The following DNAH3 variants were observed in gnomAD, a reference collection of about 807,000 sequenced individuals.
The protein encoded by DNAH3 is axonemal beta dynein heavy chain 3.
In DNAH3, 332 loss-of-function variants were observed where a neutral mutation model predicts 432.5. That is an observed-to-expected ratio of 0.77 (90% CI 0.70 to 0.84). The LOEUF (loss-of-function observed/expected upper bound fraction) is 0.84, where lower values mean the gene tolerates loss of function less well. Among genes scored for constraint, DNAH3 ranks in the 40% least tolerant of loss-of-function variants. The probability of loss-of-function intolerance (pLI) is 0.00; values close to 1 mark genes in which losing one functional copy is unlikely to be tolerated. For missense variants in DNAH3, 4,861 were observed against 5,114.0 expected, an observed-to-expected ratio of 0.95 and a Z score of 1.51; for synonymous variants, 1,956 against 1,900.2, an observed-to-expected ratio of 1.03 and a Z score of -0.76.
chr16:20,971,262 T>G (rs1399115257), intron 51 of DNAH3, among the ~76,000 whole-genome samples: 4 of 152,112 alleles, frequency 2.6e-5, no homozygotes, highest in Admixed American at 2.6e-4. Context: ...ACACTAAAAT[T>G]TATGTTTCTT....
chr16:21,062,564 T>A, exon 25 of DNAH3: 2 of 1,614,184 alleles, frequency 1.2e-6, no homozygotes, highest in Non-Finnish European at 1.7e-6. Context: ...TTCCAGATTG[T>A]CTGTAAACTC....
At chr16:21,121,014 G>A (rs2092327746) in intron 10 of DNAH3, 1 of 708,584 alleles carries the variant, frequency 1.4e-6, no homozygotes, top group Non-Finnish European at 2.6e-6. Flanking sequence ...GCAAAGAGAA[G>A]AATGCTTGGG....
intron 11 of DNAH3, among the ~76,000 whole-genome samples, chr16:21,118,988 A>G (rs369783833): frequency 6.6e-6 from 1 of 152,272 alleles, no homozygotes; most frequent in South Asian, 2.1e-4. Context: ...ATGGAAATGC[A>G]TCAATTTAGA....
chr16:21,105,755 C>A (rs1266234766), intron 15 of DNAH3, among the ~76,000 whole-genome samples: 1 of 152,036 alleles, frequency 6.6e-6, no homozygotes, highest in Non-Finnish European at 1.5e-5. Flanking sequence ...CAGAGCAAGA[C>A]TCTGTCTCGA....
intron 44 of DNAH3, among the ~76,000 whole-genome samples, chr16:20,992,385 A>T (rs554880143): frequency 6.6e-6 from 1 of 152,062 alleles, no homozygotes; most frequent in Admixed American, 6.6e-5. Flanking sequence ...TTGCTCTGTC[A>T]CCCAGGCTGT....
At chr16:20,955,924 T>C (rs1475982876) in intron 54 of DNAH3, among the ~76,000 whole-genome samples, 2 of 151,632 alleles carry the variant, frequency 1.3e-5, no homozygotes, top group Non-Finnish European at 2.9e-5. Context: ...TTTATCTTAT[T>C]TTATTTTTAT....
exon 17 of DNAH3, chr16:21,098,640 T>C: frequency 6.2e-7 from 1 of 1,613,300 alleles, no homozygotes; most frequent in Non-Finnish European, 8.5e-7. Flanking sequence ...ACGCCCGATT[T>C]AGGTTCTTTG....
chr16:21,036,557 G>A (rs536465633), intron 35 of DNAH3, among the ~76,000 whole-genome samples, 157 bp downstream of exon 35: 2 of 152,286 alleles, frequency 1.3e-5, no homozygotes, highest in African/African-American at 4.8e-5. Flanking sequence ...TGGGACTACA[G>A]GCATAGGCCA....
At chr16:21,037,183 C>T (rs1597206781) in intron 34 of DNAH3, among the ~76,000 whole-genome samples, 1 of 152,260 alleles carries the variant, frequency 6.6e-6, no homozygotes, top group South Asian at 2.1e-4. Context: ...GTGGCTCATG[C>T]CTGTAATCCC....
At chr16:21,062,837 C>G in intron 24 of DNAH3, 154 bp from the exon 25 acceptor site, 2 of 627,066 alleles carry the variant, frequency 3.2e-6, no homozygotes, top group Middle Eastern at 4.0e-4. Context: ...CACTTTTCAT[C>G]TGGGGCATGG....
intron 34 of DNAH3, 132 bp downstream of exon 34, chr16:21,037,629 G>A: frequency 1.5e-6 from 1 of 677,796 alleles, no homozygotes; most frequent in Non-Finnish European, 2.6e-6. Context: ...TTTGCAGGGA[G>A]GGTATCAGGT....
intron 54 of DNAH3, among the ~76,000 whole-genome samples, chr16:20,958,692 G>A (rs1017658908): frequency 3.9e-5 from 6 of 152,092 alleles, no homozygotes; most frequent in Non-Finnish European, 8.8e-5. Flanking sequence ...CATGGTTCTT[G>A]TTCAAATAGT....
At chr16:21,115,442 C>T (rs1426994401) in intron 12 of DNAH3, among the ~76,000 whole-genome samples, 1 of 150,828 alleles carries the variant, frequency 6.6e-6, no homozygotes, top group Non-Finnish European at 1.5e-5. Flanking sequence ...CAAGGTGGCT[C>T]ACACCTGTAA....
intron 49 of DNAH3, among the ~76,000 whole-genome samples, 178 bp from the exon 50 acceptor site, chr16:20,979,724 C>T (rs574501666): frequency 6.6e-6 from 1 of 152,160 alleles, no homozygotes; most frequent in Middle Eastern, 3.4e-3. Context: ...GGGGCAGGTA[C>T]ATAGGTGCAT....
intron 25 of DNAH3, among the ~76,000 whole-genome samples, 184 bp from the exon 26 acceptor site, chr16:21,060,540 T>G (rs2090317169): frequency 6.8e-6 from 1 of 146,400 alleles, no homozygotes; most frequent in African/African-American, 2.5e-5. Context: ...TTTTTTTTTT[T>G]TTTGATACAG....
chr16:21,041,691 T>C (rs1346866943), intron 32 of DNAH3, among the ~76,000 whole-genome samples: 2 of 152,118 alleles, frequency 1.3e-5, no homozygotes, highest in African/African-American at 4.8e-5. Context: ...TTTTTTGAGA[T>C]GGAGTTTCAC....
At chr16:20,997,808 G>A (rs1002642067) in intron 43 of DNAH3, among the ~76,000 whole-genome samples, 1 of 145,908 alleles carries the variant, frequency 6.9e-6, no homozygotes, top group Non-Finnish European at 1.5e-5. Flanking sequence ...AGACCAGCCT[G>A]TGCAACATGG....
exon 43 of DNAH3, chr16:21,000,390 G>A (rs377203350): frequency 1.6e-5 from 26 of 1,614,056 alleles, no homozygotes; most frequent in Non-Finnish European, 2.0e-5. Context: ...GAAGGAAGTT[G>A]TTGGTGATGG....
chr16:21,056,620 A>G, intron 27 of DNAH3, among the ~76,000 whole-genome samples: 1 of 152,228 alleles, frequency 6.6e-6, no homozygotes, highest in East Asian at 1.9e-4. Flanking sequence ...TGCCAAATCA[A>G]TATTTGTTAA....
Sources: allele counts gnomAD v4.1 joint callset (sites outside exome capture counted in the v4.1 genomes callset), GRCh38; gene constraint gnomAD v4.1.1; transcripts MANE v1.5; gene names NCBI Gene and HGNC (gene_info 2026-07-23, HGNC 2026-07-21).